Variants in TBC1D12 observed in about 807,000 individuals in gnomAD.
TBC1D12 encodes the protein TBC1 domain family member 12.
In TBC1D12, 56 loss-of-function variants were observed where a neutral mutation model predicts 86.7. That is an observed-to-expected ratio of 0.65 (90% CI 0.52 to 0.81). TBC1D12 has a LOEUF of 0.81. TBC1D12 is among the 30% of genes least tolerant of loss of function. The pLI is 0.00. For synonymous variants in TBC1D12, 421 were observed against 411.7 expected (o/e 1.02, Z -0.27); for missense variants, 1,023 against 1,038.8 (o/e 0.98, Z 0.21).
chr10:94,511,535 TAG>T, intron 8 of TBC1D12, 46 bp from the exon 9 acceptor site: 1 of 1,181,722 alleles, frequency 8.5e-7, no homozygotes, highest in South Asian at 1.3e-5. Context: ...AAAATTAACT[TAG>T]AGAAAATTAT....
At chr10:94,483,177 GT>G (rs1360048476) in intron 3 of TBC1D12, among the ~76,000 whole-genome samples, 1 of 151,942 alleles carries the variant, frequency 6.6e-6, no homozygotes, top group Non-Finnish European at 1.5e-5. Flanking sequence ...ATGGACACAG[GT>G]TGCTTCCAAA....
At position 94,403,495 on chromosome 10, in the gene TBC1D12, G is replaced by T. The variant is rs1398262962; in HGVS notation, c.882G>T (p.Pro294=). The T allele has an allele frequency of 7.8e-6, 12 of 1,546,190 alleles. No homozygotes were observed. Among genetic ancestry groups the T allele is most frequent in the Non-Finnish European group, 8.7e-6 (10 of 1,147,750 alleles). The change falls in exon 1 of 13, where the codon CCG becomes CCT. Residue 294 remains proline (P), a synonymous_variant. Transcript: ENST00000225235. ...SARDHLPPAG[P]PVPLPAAEQG... is the part of the protein sequence containing the mutation. Reference sequence around the variant, plus strand: ...GCGATCACCTGCCCCCGGCGGGGCCGCCGGTGCCCTTGCCCGCCGCGGAGC... The same window carrying T: ...GCGATCACCTGCCCCCGGCGGGGCCTCCGGTGCCCTTGCCCGCCGCGGAGC...
chr10:94,441,059 G>A lies in TBC1D12; in HGVS notation c.972-837G>A, dbSNP rs566509370. 2.6e-5 allele frequency among the ~76,000 whole-genome samples: 4 copies of A among 151,876 alleles called. No homozygotes were observed. In the South Asian group the frequency reaches 6.2e-4, roughly 24 times the overall value. The stretch of plus-strand genomic sequence containing the variant: ...GAGACAGGGTTTCACCATGTTGGTC[G>A]GGCTAGTCTTGAGCTGCTGACCTCG... On this transcript the variant is annotated intron_variant, in intron 1 of 12. Coordinates refer to ENST00000225235, the MANE Select transcript of TBC1D12 (RefSeq NM_015188.2).
At chr10:94,405,399 T>C (rs1014575325) in intron 1 of TBC1D12, among the ~76,000 whole-genome samples, 1 of 152,232 alleles carries the variant, frequency 6.6e-6, no homozygotes, top group Non-Finnish European at 1.5e-5. Context: ...ATAAAGTTTC[T>C]TAAATCAAAA....
chr10:94,459,401 C>T (rs1237562972), intron 2 of TBC1D12, among the ~76,000 whole-genome samples: 2 of 152,260 alleles, frequency 1.3e-5, no homozygotes, highest in Non-Finnish European at 2.9e-5. Flanking sequence ...TCTCCAAGTC[C>T]CCACCCGACT....
intron 6 of TBC1D12, among the ~76,000 whole-genome samples, chr10:94,506,087 A>G (rs992390023): frequency 6.6e-6 from 1 of 150,870 alleles, no homozygotes; most frequent in South Asian, 2.1e-4. Flanking sequence ...CCCAGACTGG[A>G]GTGCAGTGGT....
chr10:94,523,600 A>G (rs1253209703), intron 11 of TBC1D12, among the ~76,000 whole-genome samples: 2 of 152,106 alleles, frequency 1.3e-5, no homozygotes, highest in African/African-American at 2.4e-5. Context: ...ACTTTCTCCA[A>G]GTTTCACATA....
intron 1 of TBC1D12, among the ~76,000 whole-genome samples, chr10:94,423,269 A>T (rs1564939620): frequency 6.6e-6 from 1 of 150,936 alleles, no homozygotes; most frequent in African/African-American, 2.4e-5. Flanking sequence ...TGTTCAATGC[A>T]TGCTTTCTAC....
At chr10:94,507,457 C>T in intron 7 of TBC1D12, 110 bp downstream of exon 7, 1 of 985,896 alleles carries the variant, frequency 1.0e-6, no homozygotes, top group Non-Finnish European at 1.5e-6. Context: ...TAATCTTAAC[C>T]CTTTCAGTAA....
At chr10:94,444,492 C>G (rs898935415) in intron 2 of TBC1D12, among the ~76,000 whole-genome samples, 5 of 151,948 alleles carry the variant, frequency 3.3e-5, no homozygotes, top group Non-Finnish European at 7.4e-5. Context: ...AGACCAAGTT[C>G]GCCCTCTAGA....
At chr10:94,480,378 T>TA (rs2056059392) in intron 3 of TBC1D12, among the ~76,000 whole-genome samples, 1 of 152,168 alleles carries the variant, frequency 6.6e-6, no homozygotes, top group Admixed American at 6.5e-5. Flanking sequence ...GGTAGACTTT[T>TA]GTTCTCTTGA....
At chr10:94,524,900 C>A in intron 11 of TBC1D12, among the ~76,000 whole-genome samples, 1 of 151,708 alleles carries the variant, frequency 6.6e-6, no homozygotes, top group South Asian at 2.1e-4. Context: ...AATCACAGCT[C>A]CTCCCACCTG....
At chr10:94,484,991 G>GT (rs2056138634) in intron 3 of TBC1D12, among the ~76,000 whole-genome samples, 1 of 152,230 alleles carries the variant, frequency 6.6e-6, no homozygotes, top group Non-Finnish European at 1.5e-5. Context: ...ATTTTTAATA[G>GT]TTTTTTGGCA....
chr10:94,463,329 C>T (rs184927221), intron 2 of TBC1D12, among the ~76,000 whole-genome samples: 200 of 152,218 alleles, frequency 1.3e-3, no homozygotes, highest in African/African-American at 4.6e-3. Flanking sequence ...AGTCCAAGGT[C>T]GAGGGGCTTC....
chr10:94,467,221 G>GT lies in TBC1D12; in HGVS notation c.1096-7438dup, dbSNP rs1039551206. Reference sequence around the variant, plus strand: ...TTCCTTTGCACAAGTGTGTAGTCGAGTTTTTTTTTGTTTTTGTTTTTGTTT... The same window carrying GT: ...TTCCTTTGCACAAGTGTGTAGTCGAGTTTTTTTTTTGTTTTTGTTTTTGTTT... On this transcript the variant is annotated intron_variant, in intron 2 of 12. Transcript: ENST00000225235. Among the ~76,000 whole-genome samples, 82 of 151,314 alleles carry GT rather than the reference G, an allele frequency of 5.4e-4. 1 individual carries two copies. In the East Asian group the frequency reaches 0.012, roughly 22 times the overall value.
chr10:94,523,484 C>CT (rs1842208390), intron 11 of TBC1D12, among the ~76,000 whole-genome samples: 1 of 152,024 alleles, frequency 6.6e-6, no homozygotes, highest in Non-Finnish European at 1.5e-5. Context: ...TTTTATCAAG[C>CT]TTTTTTTCCC....
At chr10:94,434,617 T>G (rs1042453952) in intron 1 of TBC1D12, among the ~76,000 whole-genome samples, 21 of 151,238 alleles carry the variant, frequency 1.4e-4, no homozygotes, top group Non-Finnish European at 7.4e-5. Context: ...TAAAAACTAG[T>G]ATTTTGGGGC....
At chr10:94,405,294 G>A (rs1346104871) in intron 1 of TBC1D12, among the ~76,000 whole-genome samples, 1 of 152,020 alleles carries the variant, frequency 6.6e-6, no homozygotes, top group Non-Finnish European at 1.5e-5. Context: ...CGTACATATT[G>A]TAGACATAAA....
chr10:94,432,584 C>T (rs991992701), intron 1 of TBC1D12, among the ~76,000 whole-genome samples: 5 of 152,134 alleles, frequency 3.3e-5, no homozygotes, highest in African/African-American at 1.2e-4. Flanking sequence ...CCTTTCTTAG[C>T]AACTGGATAC....
Sources: allele counts gnomAD v4.1 joint callset (sites outside exome capture counted in the v4.1 genomes callset), GRCh38; gene constraint gnomAD v4.1.1; transcripts MANE v1.5; gene names NCBI Gene and HGNC (gene_info 2026-07-23, HGNC 2026-07-21).